GRIA4: variants seen among roughly 807,000 people sequenced by gnomAD.
GRIA4 encodes glutamate ionotropic receptor AMPA type subunit 4, also known as glutamate receptor 4.
In GRIA4, 34 loss-of-function variants were observed where a neutral mutation model predicts 104.0. That is an observed-to-expected ratio of 0.33 (90% CI 0.25 to 0.44). The LOEUF (loss-of-function observed/expected upper bound fraction) is 0.44. Ranked by LOEUF, GRIA4 falls within the 20% of genes least tolerant of loss-of-function variation. The pLI is 1.00. For synonymous variants in GRIA4, 386 were observed against 381.9 expected (o/e 1.01, Z -0.13); for missense variants, 750 against 1,096.5 (o/e 0.68, Z 4.46).
intron 4 of GRIA4, among the ~76,000 whole-genome samples, chr11:105,832,444 G>A (rs1357994121): frequency 2.0e-5 from 3 of 151,606 alleles, no homozygotes; most frequent in African/African-American, 4.8e-5. Flanking sequence ...AGTTTGCCTT[G>A]TGTAGTGCTT....
intron 3 of GRIA4, among the ~76,000 whole-genome samples, chr11:105,688,156 C>CTA (rs373564678): frequency 0.17 from 11,895 of 71,290 alleles, 622 homozygotes; most frequent in Middle Eastern, 0.28. Flanking sequence ...ATATCTATAT[C>CTA]TCTATCTATC....
chr11:105,903,044 C>A (rs890697391), intron 7 of GRIA4, among the ~76,000 whole-genome samples: 3 of 152,212 alleles, frequency 2.0e-5, no homozygotes, highest in African/African-American at 7.2e-5. Context: ...TCTTAATAAT[C>A]TTTTCTCAGA....
At chr11:105,676,633 C>T (rs1591545301) in intron 3 of GRIA4, among the ~76,000 whole-genome samples, 1 of 151,508 alleles carries the variant, frequency 6.6e-6, no homozygotes. Context: ...TAAAAAGAAC[C>T]GGATATGTTG....
chr11:105,905,224 G>A lies in GRIA4; in HGVS notation c.1081G>A (p.Val361Ile). The change falls in exon 9 of 17, where the codon GTT becomes ATT. Residue 361 changes from valine (V) to isoleucine (I), a missense_variant. Val to Ile is a conservative substitution (Grantham distance 29, BLOSUM62 3). This residue lies in a region of GRIA4 where 410 missense variants were observed against 502.7 expected (regional missense o/e 0.82). Coordinates refer to ENST00000282499, the MANE Select transcript of GRIA4 (RefSeq NM_000829.4). ...TCGAATTCAAGGGCTGACAGGGAAT[G>A]TTCAGTTTGACCACTATGGACGTAG... ...QVRIQGLTGN[V>I]QFDHYGRRVN... 1 of 1,607,394 alleles carries A rather than the reference G, an allele frequency of 6.2e-7. No individual in the cohort carries two copies. The highest frequency in any genetic ancestry group is 1.3e-5 in the African/African-American group (1 of 74,924).
At chr11:105,825,681 G>A (rs1411213987) in intron 4 of GRIA4, among the ~76,000 whole-genome samples, 1 of 151,998 alleles carries the variant, frequency 6.6e-6, no homozygotes, top group African/African-American at 2.4e-5. Context: ...GGTGAAGGCT[G>A]TCTCCTTTTG....
intron 16 of GRIA4, among the ~76,000 whole-genome samples, chr11:105,978,254 C>T (rs1369587166): frequency 6.6e-6 from 1 of 151,980 alleles, no homozygotes; most frequent in Non-Finnish European, 1.5e-5. Context: ...TTTCAACGGA[C>T]TAATAGAAGA....
intron 4 of GRIA4, among the ~76,000 whole-genome samples, chr11:105,802,416 T>C (rs1942760189): frequency 2.0e-5 from 3 of 152,100 alleles, no homozygotes; most frequent in Non-Finnish European, 4.4e-5. Context: ...TGATAACAAA[T>C]AAAATCCAAA....
chr11:105,677,585 G>C (rs1189707990), intron 3 of GRIA4, among the ~76,000 whole-genome samples: 1 of 151,840 alleles, frequency 6.6e-6, no homozygotes. Context: ...ATCAGAATCT[G>C]AGAAATTGCT....
In GRIA4 at chr11:105,839,444, CTT is replaced by C. The variant is rs5794431; in HGVS notation, c.488-22566_488-22565del. Among the ~76,000 whole-genome samples, 76 of 140,216 alleles carry C rather than the reference CTT, an allele frequency of 5.4e-4. No individual in the cohort carries two copies. The South Asian group carries it at 0.011, about 20-fold the overall frequency. 92.0% of individuals were successfully genotyped at this position (140,216 alleles called of 152,430 possible). On this transcript the variant is annotated intron_variant, in intron 4 of 16. Coordinates refer to ENST00000282499, the MANE Select transcript of GRIA4 (RefSeq NM_000829.4). ...TCATTTCTATTCTGACAGTGACTTCCTTTTTTTTTTTTTTTACCTTTTTAGAT... is the reference window on the plus strand; with the variant it reads ...TCATTTCTATTCTGACAGTGACTTCCTTTTTTTTTTTTTACCTTTTTAGAT...
At chr11:105,937,019 A>T (rs1280050196) in intron 14 of GRIA4, among the ~76,000 whole-genome samples, 1 of 152,162 alleles carries the variant, frequency 6.6e-6, no homozygotes, top group Non-Finnish European at 1.5e-5. Context: ...AATTCCAGGT[A>T]TATTGATCTG....
intron 11 of GRIA4, among the ~76,000 whole-genome samples, chr11:105,922,984 T>C (rs1211987142): frequency 6.6e-6 from 1 of 152,096 alleles, no homozygotes; most frequent in African/African-American, 2.4e-5. Context: ...TGAACAAAGT[T>C]TATTCCCTCT....
At position 105,933,949 on chromosome 11, in the gene GRIA4, G is replaced by A. The variant is rs770039630; in HGVS notation, c.2274G>A (p.Thr758=). The stretch of plus-strand genomic sequence containing the variant: ...ATTCCAAAGGCTATGGAGTAGCAAC[G>A]CCCAAGGGTTCCTCATTAAGGTGGG... ...NLDSKGYGVA[T]PKGSSLRTPV... Residue 758 remains threonine (T), a synonymous_variant, in exon 14 of 17, where the codon ACG becomes ACA. Coordinates refer to ENST00000282499, the MANE Select transcript of GRIA4 (RefSeq NM_000829.4). 6.2e-6 allele frequency: 10 copies of A among 1,612,714 alleles called. No homozygotes were observed. In the Middle Eastern group the frequency reaches 4.9e-4, roughly 80 times the overall value.
chr11:105,636,681 G>C (rs1951212239), intron 3 of GRIA4, among the ~76,000 whole-genome samples: 1 of 152,122 alleles, frequency 6.6e-6, no homozygotes. Context: ...GTGTGACAAG[G>C]TCATTGTTAA....
chr11:105,943,458 G>C (rs1346481776), intron 14 of GRIA4, among the ~76,000 whole-genome samples: 1 of 151,980 alleles, frequency 6.6e-6, no homozygotes, highest in African/African-American at 2.4e-5. Context: ...CCATATCTAG[G>C]TATGATTTTA....
intron 3 of GRIA4, among the ~76,000 whole-genome samples, chr11:105,665,478 C>T (rs1200210770): frequency 4.0e-5 from 6 of 151,882 alleles, no homozygotes; most frequent in African/African-American, 1.5e-4. Context: ...GGAGGTTGCA[C>T]TGGCCTTCGA....
At chr11:105,865,735 G>A (rs1193111566) in intron 5 of GRIA4, among the ~76,000 whole-genome samples, 8 of 152,022 alleles carry the variant, frequency 5.3e-5, no homozygotes, top group Admixed American at 3.9e-4. Context: ...ACCTAATAAC[G>A]TTATCAATTG....
At chr11:105,699,854 G>A (rs955738919) in intron 3 of GRIA4, among the ~76,000 whole-genome samples, 4 of 151,822 alleles carry the variant, frequency 2.6e-5, no homozygotes, top group African/African-American at 9.7e-5. Flanking sequence ...CCCCTTACCC[G>A]GCTTTATTAC....
intron 14 of GRIA4, chr11:105,945,398 C>G (rs1948283244): frequency 2.9e-6 from 1 of 347,440 alleles, no homozygotes; most frequent in African/African-American, 2.2e-5. Context: ...TTGACCAGAA[C>G]TGAACTTGAC....
intron 14 of GRIA4, among the ~76,000 whole-genome samples, chr11:105,940,400 G>C (rs1372138624): frequency 6.6e-6 from 1 of 151,914 alleles, no homozygotes; most frequent in African/African-American, 2.4e-5. Flanking sequence ...TAAAAATAAA[G>C]AATAGAGGGA....
Sources: gnomAD v4.1 joint callset for allele counts (sites outside exome capture counted in the v4.1 genomes callset) on GRCh38, gnomAD v4.1.1 for gene constraint, gnomAD v4.1.1 regional missense constraint, MANE v1.5 for transcripts, NCBI Gene and HGNC (gene_info 2026-07-23, HGNC 2026-07-21) for gene names.